The following PCSK5 variants were observed in gnomAD, a reference collection of about 807,000 sequenced individuals.
PCSK5 encodes prohormone convertase 5.
In PCSK5, 129 loss-of-function variants were observed where a neutral mutation model predicts 233.2. The ratio of observed to expected loss-of-function variants is 0.55; its 90% CI spans 0.48 to 0.64. The LOEUF is 0.64. PCSK5 is among the 30% of genes least tolerant of loss of function. The pLI, the probability that PCSK5 is intolerant of heterozygous loss-of-function variation, is 0.00. For missense variants in PCSK5, 2,076 were observed against 2,430.1 expected (o/e 0.85, Z 3.06); for synonymous variants, 825 against 879.2 (o/e 0.94, Z 1.09).
intron 5 of PCSK5, among the ~76,000 whole-genome samples, chr9:76,028,587 G>A (rs7031620): frequency 0.011 from 1,690 of 152,198 alleles, 24 homozygotes; most frequent in African/African-American, 0.037. Context: ...CTGATCCGTC[G>A]AGTGCAGGTT....
intron 9 of PCSK5, among the ~76,000 whole-genome samples, chr9:76,122,311 T>C (rs898044346): frequency 1.7e-4 from 26 of 152,162 alleles, no homozygotes; most frequent in African/African-American, 6.3e-4. Flanking sequence ...ATGACTCTTA[T>C]TGGCTGAATC....
intron 27 of PCSK5, among the ~76,000 whole-genome samples, chr9:76,299,529 G>A (rs561615775): frequency 5.9e-5 from 9 of 152,078 alleles, no homozygotes; most frequent in East Asian, 3.9e-4. Flanking sequence ...AAAATTAGCC[G>A]GGCGTGGTGG....
intron 26 of PCSK5, among the ~76,000 whole-genome samples, chr9:76,295,654 A>G (rs537476994): frequency 6.6e-6 from 1 of 152,334 alleles, no homozygotes; most frequent in Admixed American, 6.5e-5. Context: ...GCTGATGGAA[A>G]CAAGGCTGAA....
chr9:76,120,932 C>T (rs1343267977), intron 9 of PCSK5, among the ~76,000 whole-genome samples: 3 of 151,954 alleles, frequency 2.0e-5, no homozygotes, highest in Admixed American at 6.6e-5. Flanking sequence ...GTCAGTAACT[C>T]GGAATCCCAG....
chr9:75,931,482 C>T (rs1289039176), intron 1 of PCSK5, among the ~76,000 whole-genome samples: 2 of 152,066 alleles, frequency 1.3e-5, no homozygotes, highest in Non-Finnish European at 2.9e-5. Flanking sequence ...AAAACAGAGA[C>T]TTAGTGTATG....
chr9:76,276,753 G>A (rs149582730), intron 24 of PCSK5, among the ~76,000 whole-genome samples: 301 of 152,178 alleles, frequency 2.0e-3, no homozygotes, highest in Non-Finnish European at 2.6e-3. Flanking sequence ...CTGAATTTAC[G>A]TACTTACTTA....
At chr9:76,011,899 T>A (rs913174663) in intron 3 of PCSK5, among the ~76,000 whole-genome samples, 2 of 152,206 alleles carry the variant, frequency 1.3e-5, no homozygotes, top group African/African-American at 4.8e-5. Flanking sequence ...ATAAATTTAA[T>A]AACACATTTC....
At chr9:76,282,609 C>T (rs1398205879) in intron 24 of PCSK5, among the ~76,000 whole-genome samples, 1 of 152,130 alleles carries the variant, frequency 6.6e-6, no homozygotes, top group Non-Finnish European at 1.5e-5. Flanking sequence ...TGAGCCACTG[C>T]ACCCATCTTA....
At chr9:75,976,823 TAAAG>T (rs985877608) in intron 2 of PCSK5, among the ~76,000 whole-genome samples, 1 of 152,102 alleles carries the variant, frequency 6.6e-6, no homozygotes, top group Non-Finnish European at 1.5e-5. Context: ...ATTTAAATGT[TAAAG>T]AAATATCCCC....
At chr9:75,957,406 C>G (rs571008303) in intron 2 of PCSK5, among the ~76,000 whole-genome samples, 14 of 152,036 alleles carry the variant, frequency 9.2e-5, no homozygotes, top group South Asian at 4.1e-4. Flanking sequence ...AAACACCAGG[C>G]AGTGTTGTTA....
rs371713877 is a variant in PCSK5, at chr9:76,360,564, G to C, written c.*1642G>C. Reference sequence around the variant, plus strand: ...ATGGATTTTCTTTTTTTAACATAATGTATCACTGACACAGAAAATCTTTAT... The same window carrying C: ...ATGGATTTTCTTTTTTTAACATAATCTATCACTGACACAGAAAATCTTTAT... On this transcript the variant is annotated 3_prime_UTR_variant, in exon 38 of 38. Coordinates refer to ENST00000674117, the MANE Select transcript of PCSK5 (RefSeq NM_001372043.1). The C allele has an allele frequency of 1.8e-4, 27 of 152,034 alleles. No homozygotes were observed. The highest frequency in any genetic ancestry group is 5.8e-4 in the African/African-American group (24 of 41,390). The allele number at this position is 152,034 out of a possible 1,614,324, so 9.4% of individuals were successfully genotyped here. A position where few individuals can be genotyped will look rare whatever the true frequency, so the allele number is the denominator to read the frequency against.
intron 20 of PCSK5, among the ~76,000 whole-genome samples, chr9:76,209,969 A>G (rs1825268071): frequency 6.6e-6 from 1 of 152,154 alleles, no homozygotes; most frequent in Non-Finnish European, 1.5e-5. Flanking sequence ...GGAAGAAGAA[A>G]GAAAGGAGTG....
intron 7 of PCSK5, among the ~76,000 whole-genome samples, chr9:76,085,332 G>A (rs1831021793): frequency 6.6e-6 from 1 of 152,178 alleles, no homozygotes; most frequent in African/African-American, 2.4e-5. Context: ...GCCTATAGTG[G>A]TATAGAGTCC....
intron 9 of PCSK5, among the ~76,000 whole-genome samples, chr9:76,119,056 A>T (rs545689291): frequency 6.6e-6 from 1 of 152,064 alleles, no homozygotes; most frequent in South Asian, 2.1e-4. Context: ...GAAGGTTTCA[A>T]GTTTTTGTGG....
At chr9:76,145,408 C>T (rs927930563) in intron 10 of PCSK5, among the ~76,000 whole-genome samples, 3 of 152,040 alleles carry the variant, frequency 2.0e-5, no homozygotes, top group South Asian at 2.1e-4. Context: ...CCCAGAGCAG[C>T]GGTGAAAAGG....
chr9:76,104,802 GA>G (rs1564028643), intron 8 of PCSK5, among the ~76,000 whole-genome samples: 1 of 148,846 alleles, frequency 6.7e-6, no homozygotes, highest in Admixed American at 6.8e-5. Flanking sequence ...ACAAGTCATT[GA>G]AAAAAAATAA....
intron 2 of PCSK5, among the ~76,000 whole-genome samples, chr9:75,960,318 G>A (rs1825292316): frequency 6.6e-6 from 1 of 152,128 alleles, no homozygotes; most frequent in South Asian, 2.1e-4. Context: ...AGACTTGGAA[G>A]GAATAGGATT....
intron 11 of PCSK5, 109 bp from the exon 12 acceptor site, chr9:76,158,874 A>G: frequency 3.4e-6 from 3 of 884,264 alleles, no homozygotes; most frequent in South Asian, 3.3e-5. Context: ...TTTAGTATCC[A>G]GCTATCAGCT....
At chr9:76,308,101 G>T (rs927508224) in intron 28 of PCSK5, among the ~76,000 whole-genome samples, 5 of 152,120 alleles carry the variant, frequency 3.3e-5, no homozygotes, top group African/African-American at 1.2e-4. Context: ...GGAGATTGAG[G>T]CAGGAGAATC....
Sources: allele counts gnomAD v4.1 joint callset (sites outside exome capture counted in the v4.1 genomes callset), GRCh38; gene constraint gnomAD v4.1.1; transcripts MANE v1.5; gene names NCBI Gene and HGNC (gene_info 2026-07-23, HGNC 2026-07-21).